Variants in KAZN observed in about 807,000 individuals in gnomAD.
KAZN encodes the protein kazrin, periplakin interacting protein.
In KAZN, 40 loss-of-function variants were observed where a neutral mutation model predicts 87.4. That is an observed-to-expected ratio of 0.46 (90% confidence interval 0.36 to 0.60). The LOEUF (loss-of-function observed/expected upper bound fraction) is 0.60. KAZN is among the 20% of genes least tolerant of loss of function. The probability of loss-of-function intolerance (pLI) is 0.00; values close to 1 mark genes in which losing one functional copy is unlikely to be tolerated. For synonymous variants in KAZN, 466 were observed against 458.3 expected, an observed-to-expected ratio of 1.02 and a Z score of -0.22; for missense variants, 898 against 1,073.9, an observed-to-expected ratio of 0.84 and a Z score of 2.29.
chr1:14,945,329 C>T (rs1221170055), intron 1 of KAZN, among the ~76,000 whole-genome samples: 1 of 152,218 alleles, frequency 6.6e-6, no homozygotes, highest in Admixed American at 6.5e-5. Context: ...GGCTGGAAAC[C>T]GGGGCGCCCT....
chr1:14,750,526 C>T (rs1327260416), intron 1 of KAZN, among the ~76,000 whole-genome samples: 1 of 151,404 alleles, frequency 6.6e-6, no homozygotes, highest in African/African-American at 2.4e-5. Flanking sequence ...AATTCATAAT[C>T]TGGGATGCTC....
In KAZN at chr1:14,336,006, G is replaced by A. The variant is rs140536251; in HGVS notation, c.249+155414G>A. On this transcript the variant is annotated intron_variant, in intron 2 of 16. Coordinates refer to the KAZN transcript ENST00000636203. ...GAGACACTGGGGTGTCCCTCACCAC[G>A]GAAGTAGCAGCAGAGGAGAGGGAAG... 5.4e-3 allele frequency among the ~76,000 whole-genome samples: 825 copies of A among 152,154 alleles called. 6 individuals are homozygous for A. Among genetic ancestry groups the A allele is most frequent in the African/African-American group, 0.019 (789 of 41,404 alleles).
intron 1 of KAZN, among the ~76,000 whole-genome samples, chr1:14,893,040 T>C (rs957910590): frequency 6.6e-6 from 1 of 152,224 alleles, no homozygotes; most frequent in South Asian, 2.1e-4. Flanking sequence ...ATAAGGCTGA[T>C]GATCTACAGG....
intron 1 of KAZN, among the ~76,000 whole-genome samples, chr1:14,069,259 C>T (rs1489517495): frequency 6.6e-6 from 1 of 152,172 alleles, no homozygotes; most frequent in African/African-American, 2.4e-5. Context: ...TGAGGAGGGG[C>T]TGCTTGTCCC....
intron 1 of KAZN, among the ~76,000 whole-genome samples, chr1:13,918,841 A>AT (rs1046907883): frequency 9.5e-4 from 145 of 151,860 alleles, no homozygotes; most frequent in Non-Finnish European, 1.8e-3. Flanking sequence ...TTTATTTTTT[A>AT]TTTTTTTTGA....
intron 1 of KAZN, among the ~76,000 whole-genome samples, chr1:14,656,648 A>G (rs2148706939): frequency 6.6e-6 from 1 of 152,348 alleles, no homozygotes; most frequent in East Asian, 1.9e-4. Flanking sequence ...GCAGAAGGCA[A>G]AGGGGAAGCA....
intron 1 of KAZN, among the ~76,000 whole-genome samples, chr1:14,781,312 A>T (rs776328837): frequency 6.6e-5 from 10 of 152,046 alleles, no homozygotes; most frequent in Non-Finnish European, 1.3e-4. Context: ...ACAGAGAAAG[A>T]CTCTGTCTGA....
At chr1:14,094,857 A>G (rs1644091347) in intron 1 of KAZN, among the ~76,000 whole-genome samples, 1 of 152,200 alleles carries the variant, frequency 6.6e-6, no homozygotes. Flanking sequence ...CATCTTTACT[A>G]GGTGGAATGC....
At chr1:14,081,728 T>C (rs2101591687) in intron 1 of KAZN, among the ~76,000 whole-genome samples, 1 of 151,986 alleles carries the variant, frequency 6.6e-6, no homozygotes, top group Middle Eastern at 3.4e-3. Context: ...GACACTTGTG[T>C]GCACTCTGTC....
intron 2 of KAZN, among the ~76,000 whole-genome samples, chr1:14,337,981 T>C (rs1420619005): frequency 6.6e-6 from 1 of 152,064 alleles, no homozygotes; most frequent in East Asian, 1.9e-4. Context: ...TTCTCCAGTG[T>C]TCACTGGCTT....
In KAZN at chr1:14,735,303, G is replaced by T. The variant is rs1026060455; in HGVS notation, c.226+136080G>T. On this transcript the variant is annotated intron_variant, in intron 1 of 14. Transcript: ENST00000376030. This position sits in a 1 kb window ranked among gnomAD's most constrained non-coding sequence, Gnocchi z 4.3. ...TCTCGATCTCCTGACCTCGTGATCC[G>T]CCCGCCTCGGCCTCCCAAAGTGCTG... Among the ~76,000 whole-genome samples the T allele has an allele frequency of 6.6e-6, 1 of 151,990 alleles. No individual in the cohort carries two copies. The highest frequency in any genetic ancestry group is 1.9e-4 in the East Asian group (1 of 5,176).
intron 1 of KAZN, among the ~76,000 whole-genome samples, chr1:13,949,343 G>A (rs1351000147): frequency 2.0e-5 from 3 of 152,198 alleles, no homozygotes; most frequent in African/African-American, 7.2e-5. Context: ...AGGGGCCTGG[G>A]CCAGCAGAAA....
At chr1:14,470,806 C>T (rs1243429487) in intron 2 of KAZN, among the ~76,000 whole-genome samples, 1 of 152,156 alleles carries the variant, frequency 6.6e-6, no homozygotes, top group Non-Finnish European at 1.5e-5. Context: ...GACCCCTGCT[C>T]CCATGACTCT....
At position 15,056,513 on chromosome 1, in the gene KAZN, C is replaced by G. The variant is rs1003297724; in HGVS notation, c.916+233C>G. On this transcript the variant is annotated intron_variant, in intron 5 of 14. Transcript: ENST00000376030. The surrounding 1 kb of genome is among the most constrained non-coding windows in gnomAD (Gnocchi z 5.4). Reference sequence around the variant, plus strand: ...CTGACCGTCTCTCCATCTCTTAGCTCTGCCCACCTCCTTTTGGCCTCATCT... The same window carrying G: ...CTGACCGTCTCTCCATCTCTTAGCTGTGCCCACCTCCTTTTGGCCTCATCT... 3.3e-5 allele frequency among the ~76,000 whole-genome samples: 5 copies of G among 151,906 alleles called. No individual in the cohort carries two copies. The highest frequency in any genetic ancestry group is 9.7e-5 in the African/African-American group (4 of 41,426).
At position 14,641,265 on chromosome 1, in the gene KAZN, G is replaced by A. The variant is rs576508900; in HGVS notation, c.226+42042G>A. ...CAAAATAAGGAGGTAGACTGGCCAG[G>A]CAAAAGCCTCAGATGATCAGTTTAG... On this transcript the variant is annotated intron_variant, in intron 1 of 14. Transcript: ENST00000376030. 3.8e-4 allele frequency among the ~76,000 whole-genome samples: 58 copies of A among 152,244 alleles called. No individual in the cohort carries two copies. The South Asian group carries it at 0.011, about 29-fold the overall frequency.
At chr1:14,990,992 A>G (rs12409399) in intron 2 of KAZN, among the ~76,000 whole-genome samples, 58,021 of 151,072 alleles carry the variant, frequency 0.38, 12,820 homozygotes, top group African/African-American at 0.61. Flanking sequence ...CTGCACACCA[A>G]GGAATGCTGG....
chr1:14,347,395 G>T (rs1042363795), intron 2 of KAZN, among the ~76,000 whole-genome samples: 16 of 152,192 alleles, frequency 1.1e-4, no homozygotes, highest in African/African-American at 3.6e-4. Flanking sequence ...CCAGAAAATG[G>T]TGGGAACTGA....
At chr1:14,164,446 CTA>C (rs1301869719) in intron 1 of KAZN, among the ~76,000 whole-genome samples, 2 of 123,928 alleles carry the variant, frequency 1.6e-5, no homozygotes, top group Non-Finnish European at 3.3e-5. Context: ...AGAGAAAACA[CTA>C]TGGCTTTGTG....
At chr1:14,678,432 G>A (rs1640369657) in intron 1 of KAZN, among the ~76,000 whole-genome samples, 1 of 152,212 alleles carries the variant, frequency 6.6e-6, no homozygotes, top group African/African-American at 2.4e-5. Context: ...CTGCACTGTT[G>A]ACTTCCCTAC....
Sources: gnomAD v4.1 joint callset for allele counts (sites outside exome capture counted in the v4.1 genomes callset) on GRCh38, gnomAD v4.1.1 for gene constraint, Gnocchi (gnomAD v3.1) non-coding constraint, MANE v1.5 for transcripts, NCBI Gene and HGNC (gene_info 2026-07-23, HGNC 2026-07-21) for gene names.